Variants in POLR2B observed in about 807,000 individuals in gnomAD.
The protein encoded by POLR2B is RNA polymerase II subunit B.
A neutral mutation model predicts 144.6 loss-of-function variants in POLR2B; 57 were observed. The observed-to-expected ratio is 0.39, with a 90% CI of 0.32 to 0.49. POLR2B has a LOEUF of 0.49. POLR2B is among the 20% of genes least tolerant of loss of function. POLR2B has a pLI of 0.83. For missense variants in POLR2B, 595 were observed against 1,467.4 expected (o/e 0.41, Z 9.71); for synonymous variants, 442 against 469.8 (o/e 0.94, Z 0.77).
At position 57,007,466 on chromosome 4, in the gene POLR2B, A is replaced by C. The variant is rs1012126355; in HGVS notation, c.1404+464A>C. On this transcript the variant is annotated intron_variant, in intron 10 of 24. Coordinates refer to ENST00000314595, the MANE Select transcript of POLR2B (RefSeq NM_000938.3). Reference sequence around the variant, plus strand: ...GGGACTTTTGAATTATGAACATGAAATTTTCTTAAATTAGCTATTAGTATT... The same window carrying C: ...GGGACTTTTGAATTATGAACATGAACTTTTCTTAAATTAGCTATTAGTATT... Among the ~76,000 whole-genome samples, 5 of 152,208 alleles carry C rather than the reference A, an allele frequency of 3.3e-5. No homozygotes were observed. The East Asian group carries it at 9.7e-4, about 29-fold the overall frequency.
intron 2 of POLR2B, chr4:56,986,660 T>G (rs1305533151): frequency 3.2e-6 from 1 of 312,132 alleles, no homozygotes; most frequent in Non-Finnish European, 5.8e-6. Flanking sequence ...TTTTCTCTTT[T>G]TGTATATATA....
At chr4:57,004,662 G>C (rs1722963558) in intron 7 of POLR2B, among the ~76,000 whole-genome samples, 1 of 151,974 alleles carries the variant, frequency 6.6e-6, no homozygotes. Flanking sequence ...TTTTTCCATT[G>C]GTAAAATGTA....
At chr4:57,005,578 C>A in intron 8 of POLR2B, 22 bp from the exon 9 acceptor site, 1 of 1,478,054 alleles carries the variant, frequency 6.8e-7, no homozygotes, top group Non-Finnish European at 8.9e-7. Context: ...CTCTTTCTTT[C>A]TTTCTTTTTT....
intron 5 of POLR2B, 49 bp downstream of exon 5, chr4:56,994,915 G>A (rs1360986097): frequency 2.4e-6 from 2 of 825,166 alleles, no homozygotes; most frequent in Non-Finnish European, 3.6e-6. Flanking sequence ...TTAAAATTTA[G>A]TTTAAAGTTG....
intron 10 of POLR2B, 81 bp from the exon 11 acceptor site, chr4:57,010,280 G>A: frequency 2.4e-6 from 3 of 1,224,696 alleles, no homozygotes; most frequent in South Asian, 1.4e-5. Context: ...TAGATTATAT[G>A]TAAAAATATG....
Position 57,022,301 on chromosome 4 carries a change from T to C in POLR2B, c.2515+55T>C, listed in dbSNP as rs529381937. On this transcript the variant is annotated intron_variant, in intron 18 of 24. Transcript: ENST00000314595. ...ATCCAAAGTTAACTTACTGTGGTTT[T>C]CCTAAGTGATTTTGATGGGTTGTGT... is the stretch of plus-strand genomic sequence containing the variant. The C allele has an allele frequency of 9.3e-5, 107 of 1,145,004 alleles. 1 individual carries two copies. The African/African-American group carries it at 1.5e-3, about 16-fold the overall frequency. The allele number at this position is 1,145,004 out of a possible 1,614,324, so 70.9% of individuals were successfully genotyped here.
chr4:57,015,580 A>G lies in POLR2B; in HGVS notation c.1879A>G (p.Ile627Val). The change falls in exon 14 of 25, where the codon ATT becomes GTT. Residue 627 changes from isoleucine (I) to valine (V), a missense_variant. By Grantham distance (29) the Ile-to-Val change is conservative. This residue lies in a region of POLR2B where 59 missense variants were observed against 84.2 expected (regional missense o/e 0.70). Transcript: ENST00000314595. Reference sequence around the variant, plus strand: ...AGGCCGTATTTGTAGACCACTTCTGATTGTGGAAAAACAAAAGCTACTTTT... The same window carrying G: ...AGGCCGTATTTGTAGACCACTTCTGGTTGTGGAAAAACAAAAGCTACTTTT... The part of the protein sequence containing the change: ...DAGRICRPLL[I>V]VEKQKLLLKK... 1 of 1,517,746 alleles carries G rather than the reference A, an allele frequency of 6.6e-7. No homozygotes were observed. The highest frequency in any genetic ancestry group is 8.9e-7 in the Non-Finnish European group (1 of 1,120,552). 94.0% of individuals were successfully genotyped at this position (1,517,746 alleles called of 1,614,324 possible).
Position 56,995,275 on chromosome 4 carries a change from G to A in POLR2B, c.601G>A (p.Ala201Thr). Residue 201 changes from alanine to threonine, a missense_variant, in exon 6 of 25, where the codon GCA becomes ACA. By Grantham distance (58) the Ala-to-Thr change is moderately conservative. This residue lies in a region of POLR2B where 251 missense variants were observed against 567.3 expected (regional missense o/e 0.44). Coordinates refer to ENST00000314595, the MANE Select transcript of POLR2B (RefSeq NM_000938.3). ...GGTTCTGATTGCCCAAGAGAAAATG[G>A]CAACAAACACAGTTTATGTGTTTGC... The part of the protein sequence containing the change: ...EKVLIAQEKM[A>T]TNTVYVFAKK... The A allele has an allele frequency of 6.2e-7, 1 of 1,608,978 alleles. No individual in the cohort carries two copies. Among genetic ancestry groups the A allele is most frequent in the Non-Finnish European group, 8.5e-7 (1 of 1,176,180 alleles).
At chr4:56,979,915 T>A (rs1722103246) in intron 1 of POLR2B, among the ~76,000 whole-genome samples, 3 of 133,548 alleles carry the variant, frequency 2.2e-5, no homozygotes, top group African/African-American at 7.8e-5. Flanking sequence ...AAAAAAAAAA[T>A]TCTTAGTTGA....
At chr4:56,985,325 C>T (rs368571109) in intron 1 of POLR2B, 12 of 985,362 alleles carry the variant, frequency 1.2e-5, no homozygotes, top group Middle Eastern at 5.2e-4. Context: ...GGAGGCGGAC[C>T]GCCCATTCCG....
Position 57,010,441 on chromosome 4 carries a change from A to G in POLR2B, c.1485A>G (p.Leu495=). 2 of 1,614,130 alleles carry G rather than the reference A, an allele frequency of 1.2e-6. No individual in the cohort carries two copies. The highest frequency in any genetic ancestry group is 2.2e-5 in the South Asian group (2 of 91,086). ...CTCCTATTGGTAGAGACGGCAAGCT[A>G]GCAAAACCAAGACAGTTGCATAATA... is the stretch of plus-strand genomic sequence containing the variant. ...LNSPIGRDGK[L]AKPRQLHNTL... is the part of the protein sequence containing the mutation. Residue 495 remains leucine, a synonymous_variant, in exon 11 of 25, where the codon CTA becomes CTG. Transcript: ENST00000314595.
Position 57,007,017 on chromosome 4 carries a change from T to C in POLR2B, c.1404+15T>C. The C allele has an allele frequency of 6.3e-7, 1 of 1,575,038 alleles. No individual in the cohort carries two copies. Among genetic ancestry groups the C allele is most frequent in the Non-Finnish European group, 8.7e-7 (1 of 1,146,388 alleles). On this transcript the variant is annotated intron_variant, in intron 10 of 24. Coordinates refer to ENST00000314595, the MANE Select transcript of POLR2B (RefSeq NM_000938.3). ...GAGTATCTCAGGTAAGTGTGCCAAC[T>C]ATGACTACAGGCTCAATAGGAAACA...
In POLR2B at chr4:57,017,760, A is replaced by T. The variant is rs769686812; in HGVS notation, c.2323+32A>T. The T allele has an allele frequency of 5.7e-6, 9 of 1,572,298 alleles. No homozygotes were observed. In the East Asian group the frequency reaches 6.8e-5, roughly 12 times the overall value. ...TCAGTTTTGCTCTACGTTATTTAAG[A>T]TCCTTCTGTGCTTAAGGCACTTTTC... On this transcript the variant is annotated intron_variant, in intron 16 of 24. Coordinates refer to ENST00000314595, the MANE Select transcript of POLR2B (RefSeq NM_000938.3). The surrounding 1 kb of genome is among the most constrained non-coding windows in gnomAD (Gnocchi z 4.8).
chr4:56,979,661 T>G (rs898594081), intron 1 of POLR2B, among the ~76,000 whole-genome samples: 1 of 152,208 alleles, frequency 6.6e-6, no homozygotes. Flanking sequence ...GTGGCTCCCG[T>G]CAGCACTTTG....
chr4:57,005,727 A>G lies in POLR2B; in HGVS notation c.1217+8A>G. On this transcript the variant is annotated splice_region_variant and intron_variant, in intron 9 of 24. Coordinates refer to ENST00000314595, the MANE Select transcript of POLR2B (RefSeq NM_000938.3). ...TGCATTCTTATTTAGAGGGTAAGGA[A>G]TTACAGAATGAAGTCATTAAAGCAG... The G allele has an allele frequency of 6.2e-7, 1 of 1,608,196 alleles. No homozygotes were observed.
At chr4:56,980,555 A>G (rs772713322) in intron 1 of POLR2B, among the ~76,000 whole-genome samples, 1 of 152,040 alleles carries the variant, frequency 6.6e-6, no homozygotes, top group Admixed American at 6.6e-5. Flanking sequence ...ACCCCTCTCT[A>G]TAAGAAATAG....
chr4:57,024,886 G>A lies in POLR2B; in HGVS notation c.2965G>A (p.Val989Ile). The change falls in exon 22 of 25, where the codon GTA (valine) becomes ATA (isoleucine). Residue 989 changes from valine to isoleucine, a missense_variant and splice_region_variant. By Grantham distance (29) the Val-to-Ile change is conservative. Around this residue, in one of 9 missense-constraint regions of POLR2B, gnomAD observed 65 missense variants for 282.8 expected, o/e 0.23. Transcript: ENST00000314595. ...TAAAGAGTACTTTTTTTTTTAAAAG[G>A]TATCGGCTAACAAGGGTGAAATTGG... ...GHLIECLQGKVSANKGEIGDA... is the reference protein window; with the variant it reads ...GHLIECLQGKISANKGEIGDA... The A allele has an allele frequency of 6.6e-7, 1 of 1,505,430 alleles. No homozygotes were observed. The highest frequency in any genetic ancestry group is 9.2e-7 in the Non-Finnish European group (1 of 1,092,444). 93.3% of individuals were successfully genotyped at this position (1,505,430 alleles called of 1,614,324 possible). A position where few individuals can be genotyped will look rare whatever the true frequency, so the allele number is the denominator to read the frequency against.
intron 3 of POLR2B, among the ~76,000 whole-genome samples, chr4:56,993,477 G>A (rs963603110): frequency 1.3e-5 from 2 of 152,104 alleles, no homozygotes; most frequent in African/African-American, 4.8e-5. Context: ...CCTTTATCCA[G>A]CCCAGCTTGG....
chr4:56,994,948 AAAG>A (rs1578564355), intron 5 of POLR2B, 82 bp downstream of exon 5: 3 of 859,668 alleles, frequency 3.5e-6, no homozygotes, highest in East Asian at 5.4e-5. Context: ...AAAAAAAAAG[AAAG>A]AAAGATTTTC....
Sources: allele counts gnomAD v4.1 joint callset (sites outside exome capture counted in the v4.1 genomes callset), GRCh38; gene constraint gnomAD v4.1.1; regional missense constraint gnomAD v4.1.1; non-coding constraint Gnocchi (gnomAD v3.1); transcripts MANE v1.5; gene names NCBI Gene and HGNC (gene_info 2026-07-23, HGNC 2026-07-21).